Variants in MMADHC observed in about 807,000 individuals in gnomAD.
MMADHC encodes the protein metabolism of cobalamin associated D, also known as cobalamin trafficking protein CblD.
In MMADHC, 23 loss-of-function variants were observed where a neutral mutation model predicts 36.3. The observed-to-expected ratio is 0.63, with a 90% confidence interval of 0.46 to 0.90. MMADHC has a LOEUF of 0.90. MMADHC is among the 40% of genes least tolerant of loss of function. The probability of loss-of-function intolerance (pLI) is 0.00; values close to 1 mark genes in which losing one functional copy is unlikely to be tolerated. For missense variants in MMADHC, 330 were observed against 348.0 expected, an observed-to-expected ratio of 0.95 and a Z score of 0.41; for synonymous variants, 97 against 116.1, an observed-to-expected ratio of 0.84 and a Z score of 1.06.
chr2:149,577,103 A>G (rs73968627), intron 4 of MMADHC, among the ~76,000 whole-genome samples: 1,799 of 152,314 alleles, frequency 0.012, 33 homozygotes, highest in African/African-American at 0.041. Flanking sequence ...ATAAAAAAAA[A>G]TAAGTACAAG....
At chr2:149,584,665 C>T (rs1254299725) in intron 2 of MMADHC, among the ~76,000 whole-genome samples, 1 of 152,030 alleles carries the variant, frequency 6.6e-6, no homozygotes, top group Non-Finnish European at 1.5e-5. Context: ...ATTTTAATAG[C>T]AAAATAAACC....
chr2:149,577,470 A>T (rs1682733806), intron 4 of MMADHC, among the ~76,000 whole-genome samples: 1 of 152,200 alleles, frequency 6.6e-6, no homozygotes, highest in African/African-American at 2.4e-5. Flanking sequence ...CCATTTATTC[A>T]GCATTAAGAA....
chr2:149,578,986 C>CT (rs1210920381), intron 4 of MMADHC, among the ~76,000 whole-genome samples: 6,464 of 138,514 alleles, frequency 0.047, 186 homozygotes, highest in Admixed American at 0.11. Context: ...AAACTGGTTC[C>CT]TTTTTTTTTT....
intron 6 of MMADHC, among the ~76,000 whole-genome samples, chr2:149,574,409 ATTG>A (rs1682685559): frequency 6.6e-6 from 1 of 152,196 alleles, no homozygotes; most frequent in Non-Finnish European, 1.5e-5. Flanking sequence ...AAATTATAAT[ATTG>A]TTGAATATGT....
rs1682609753 is a variant in MMADHC at position 149,569,693 on chromosome 2, T to A, written c.*281A>T. 4.1e-6 allele frequency: 1 copy of A among 244,070 alleles called. No homozygotes were observed. Among genetic ancestry groups the A allele is most frequent in the African/African-American group, 2.2e-5 (1 of 44,650 alleles). 15.1% of individuals were successfully genotyped at this position (244,070 alleles called of 1,614,324 possible). A position where few individuals can be genotyped will look rare whatever the true frequency, so the allele number is the denominator to read the frequency against. On this transcript the variant is annotated 3_prime_UTR_variant, in exon 8 of 8. Transcript: ENST00000303319. ...GAAAATAATTAAAACTGAGGCCTTT[T>A]TCCAATAAAGAGGAGAAATAACAAT...
chr2:149,582,529 C>T (rs1682809532), intron 2 of MMADHC, among the ~76,000 whole-genome samples: 1 of 152,016 alleles, frequency 6.6e-6, no homozygotes, highest in Non-Finnish European at 1.5e-5. Context: ...TTCAAGAGTG[C>T]CACACATGAG....
intron 6 of MMADHC, among the ~76,000 whole-genome samples, chr2:149,572,490 C>G (rs1257765026): frequency 3.3e-5 from 5 of 152,116 alleles, no homozygotes; most frequent in Non-Finnish European, 7.3e-5. Flanking sequence ...AGACTATAAT[C>G]TTTGAGAGAA....
chr2:149,587,516 TGAG>T (rs1682891859), intron 1 of MMADHC, 145 bp downstream of exon 1: 1 of 241,968 alleles, frequency 4.1e-6, no homozygotes, highest in Non-Finnish European at 8.2e-6. Flanking sequence ...ATCGGAAAGA[TGAG>T]GAAGCAGAAA....
At chr2:149,571,911 A>C (rs1558845349) in intron 6 of MMADHC, among the ~76,000 whole-genome samples, 1 of 152,236 alleles carries the variant, frequency 6.6e-6, no homozygotes, top group Non-Finnish European at 1.5e-5. Context: ...CCTTCAGTAT[A>C]CATCTATCTA....
In MMADHC at chr2:149,576,449, A is replaced by G. The variant is rs778778537; in HGVS notation, c.466T>C (p.Leu156=). 19 of 1,609,186 alleles carry G rather than the reference A, an allele frequency of 1.2e-5. No homozygotes were observed. Among genetic ancestry groups the G allele is most frequent in the Non-Finnish European group, 1.4e-5 (17 of 1,175,724 alleles). The stretch of plus-strand genomic sequence containing the variant: ...AAGCATGACATACCTTTTCGCAGCA[A>G]TTCTGGACATGTCTGTATTGCACAC... ...VECAIQTCPE[L]LRKDFESLFP... The change falls in exon 5 of 8, where the codon TTG becomes CTG. Residue 156 remains leucine (L), a synonymous_variant. Coordinates refer to ENST00000303319, the MANE Select transcript of MMADHC (RefSeq NM_015702.3).
Position 149,586,051 on chromosome 2 carries a change from T to C in MMADHC, c.9+1038A>G, listed in dbSNP as rs149551765. Among the ~76,000 whole-genome samples, 18 of 152,298 alleles carry C rather than the reference T, an allele frequency of 1.2e-4. No homozygotes were observed. The East Asian group carries it at 1.5e-3, about 13-fold the overall frequency. On this transcript the variant is annotated intron_variant, in intron 2 of 7. Transcript: ENST00000303319. Reference sequence around the variant, plus strand: ...GTTATGGGCAGGCAAAAATTCACCATAGAACTTGGCCAAGACTAGTAATCT... The same window carrying C: ...GTTATGGGCAGGCAAAAATTCACCACAGAACTTGGCCAAGACTAGTAATCT...
intron 2 of MMADHC, among the ~76,000 whole-genome samples, chr2:149,582,809 CT>C (rs1682813368): frequency 6.6e-6 from 1 of 152,228 alleles, no homozygotes; most frequent in Non-Finnish European, 1.5e-5. Flanking sequence ...TATATGTTCA[CT>C]TACTAGACAG....
At chr2:149,586,895 T>C (rs1184761222) in intron 2 of MMADHC, 194 bp downstream of exon 2, 2 of 619,626 alleles carry the variant, frequency 3.2e-6, no homozygotes, top group South Asian at 1.9e-5. Flanking sequence ...TATAAATAAG[T>C]GTATTTGCAG....
intron 7 of MMADHC, among the ~76,000 whole-genome samples, 189 bp downstream of exon 7, chr2:149,570,896 A>C (rs1223616132): frequency 6.6e-6 from 1 of 152,228 alleles, no homozygotes; most frequent in Non-Finnish European, 1.5e-5. Context: ...AAAGTGATGG[A>C]GAAACTTAAC....
chr2:149,572,602 T>A (rs567975921), intron 6 of MMADHC, among the ~76,000 whole-genome samples: 1 of 152,208 alleles, frequency 6.6e-6, no homozygotes, highest in Non-Finnish European at 1.5e-5. Flanking sequence ...AGTAATGGTG[T>A]CACTGGAGCT....
intron 4 of MMADHC, among the ~76,000 whole-genome samples, chr2:149,578,951 T>C (rs1047792726): frequency 1.3e-5 from 2 of 150,110 alleles, no homozygotes; most frequent in African/African-American, 2.4e-5. Context: ...CCTTAATAAA[T>C]TGTTTAAGAA....
intron 7 of MMADHC, 97 bp from the exon 8 acceptor site, chr2:149,570,265 A>G: frequency 1.9e-6 from 2 of 1,027,180 alleles, no homozygotes; most frequent in South Asian, 2.9e-5. Context: ...TAATACTCCA[A>G]ATATTTAAAA....
chr2:149,582,247 C>T lies in MMADHC; in HGVS notation c.34G>A (p.Val12Ile), dbSNP rs1682805838. The T allele has an allele frequency of 6.2e-7, 1 of 1,613,664 alleles. No homozygotes were observed. The highest frequency in any genetic ancestry group is 1.3e-5 in the African/African-American group (1 of 74,898). The change falls in exon 3 of 8, where the codon GTT (valine) becomes ATT (isoleucine). Residue 12 changes from valine (V) to isoleucine (I), a missense_variant. Val to Ile is a conservative substitution (Grantham distance 29). Coordinates refer to ENST00000303319, the MANE Select transcript of MMADHC (RefSeq NM_015702.3). ...ANVLCNRARLVSYLPGFCSLV... is the reference protein window; with the variant it reads ...ANVLCNRARLISYLPGFCSLV... ...GAGCAAAATCCTGGGAGATAGGAAA[C>T]CAGTCTGGCTCTGTTACAAAGCACC... is the stretch of plus-strand genomic sequence containing the variant.
chr2:149,577,123 G>C (rs1412641736), intron 4 of MMADHC, among the ~76,000 whole-genome samples: 1 of 152,130 alleles, frequency 6.6e-6, no homozygotes, highest in African/African-American at 2.4e-5. Context: ...GCAAATAAAT[G>C]CAATTAAATA....
Sources: allele counts gnomAD v4.1 joint callset (sites outside exome capture counted in the v4.1 genomes callset), GRCh38; gene constraint gnomAD v4.1.1; transcripts MANE v1.5; gene names NCBI Gene and HGNC (gene_info 2026-07-23, HGNC 2026-07-21).